The following SLC25A21 variants were observed in gnomAD, a reference collection of about 807,000 sequenced individuals.
SLC25A21 encodes the protein mitochondrial 2-oxodicarboxylate carrier.
Under a neutral mutation model 43.8 loss-of-function variants are expected in SLC25A21, and 47 were observed. The observed-to-expected ratio is 1.07, with a 90% CI of 0.85 to 1.37. SLC25A21 has a LOEUF of 1.37. Among genes scored for constraint, SLC25A21 ranks in the 40% most tolerant of loss-of-function variants. The pLI is 0.00. For missense variants in SLC25A21, 352 were observed against 350.2 expected (o/e 1.00, Z -0.04); for synonymous variants, 131 against 121.3 (o/e 1.08, Z -0.52).
At chr14:36,753,960 A>AGAGAGAGAGAGAGAGAGAGAGAG (rs1491582315) in intron 3 of SLC25A21, among the ~76,000 whole-genome samples, 4 of 141,668 alleles carry the variant, frequency 2.8e-5, no homozygotes, top group East Asian at 2.0e-4. Context: ...AGAGAGAGAG[A>AGAGAGAGAGAGAGAGAGAGAGAG]AAGAGAGAGA....
chr14:36,913,400 C>G (rs187065835), intron 1 of SLC25A21, among the ~76,000 whole-genome samples: 1 of 152,098 alleles, frequency 6.6e-6, no homozygotes, highest in Non-Finnish European at 1.5e-5. Flanking sequence ...GCCATCCTCC[C>G]GAGTAGTTGG....
chr14:37,140,467 CA>C (rs1328977579), intron 1 of SLC25A21, among the ~76,000 whole-genome samples: 2 of 152,282 alleles, frequency 1.3e-5, no homozygotes, highest in East Asian at 3.9e-4. Context: ...CCTACTAATA[CA>C]CTGCTTTAGT....
At chr14:37,066,996 G>T (rs995603002) in intron 1 of SLC25A21, among the ~76,000 whole-genome samples, 2 of 151,920 alleles carry the variant, frequency 1.3e-5, no homozygotes, top group African/African-American at 4.8e-5. Flanking sequence ...CTAAAAAATG[G>T]GGCAGAAGAA....
chr14:37,026,727 A>T (rs997367312), intron 1 of SLC25A21, among the ~76,000 whole-genome samples: 1 of 152,212 alleles, frequency 6.6e-6, no homozygotes, highest in Non-Finnish European at 1.5e-5. Flanking sequence ...TACAAAATTT[A>T]TTTGACCATG....
Position 36,680,254 on chromosome 14 carries a change from A to C in SLC25A21, c.*404T>G, listed in dbSNP as rs1264684034. ...AACTTTTTTTTAATCCAGTCTTTGA[A>C]TAATTTGATTTATTTTCAATAGTTT... On this transcript the variant is annotated 3_prime_UTR_variant, in exon 10 of 10. Coordinates refer to ENST00000331299, the MANE Select transcript of SLC25A21 (RefSeq NM_030631.4). 1 of 950,234 alleles carries C rather than the reference A, an allele frequency of 1.1e-6. No individual in the cohort carries two copies. The highest frequency in any genetic ancestry group is 1.3e-6 in the Non-Finnish European group (1 of 798,380). The allele number at this position is 950,234 out of a possible 1,614,324, so 58.9% of individuals were successfully genotyped here.
intron 1 of SLC25A21, among the ~76,000 whole-genome samples, chr14:37,152,013 C>T (rs778927202): frequency 3.9e-5 from 6 of 151,946 alleles, no homozygotes; most frequent in South Asian, 2.1e-4. Flanking sequence ...CCAGTGTGGG[C>T]GACAGAGAGA....
chr14:36,918,806 C>G (rs917339658), intron 1 of SLC25A21, among the ~76,000 whole-genome samples: 2 of 151,858 alleles, frequency 1.3e-5, no homozygotes, highest in African/African-American at 4.8e-5. Flanking sequence ...AAAACATTCA[C>G]AAAAAAGACC....
At chr14:36,961,126 C>G (rs1227296427) in intron 1 of SLC25A21, among the ~76,000 whole-genome samples, 1 of 150,382 alleles carries the variant, frequency 6.6e-6, no homozygotes, top group Non-Finnish European at 1.5e-5. Context: ...ATTAAAAAAG[C>G]CCACCCCCAG....
At chr14:36,919,881 A>T (rs1299823883) in intron 1 of SLC25A21, among the ~76,000 whole-genome samples, 1 of 152,078 alleles carries the variant, frequency 6.6e-6, no homozygotes, top group African/African-American at 2.4e-5. Flanking sequence ...GATGAATGAA[A>T]GTAAAGATCT....
At position 37,147,347 on chromosome 14, in the gene SLC25A21, T is replaced by C. The variant is rs375047364; in HGVS notation, c.70+24934A>G. ...GAAAGAAATGTCAAAAATTCAAATT[T>C]ATAAAGCCCTCTGTGAAATATGAGG... On this transcript the variant is annotated intron_variant, in intron 1 of 9. Coordinates refer to ENST00000331299, the MANE Select transcript of SLC25A21 (RefSeq NM_030631.4). 2.5e-4 allele frequency among the ~76,000 whole-genome samples: 38 copies of C among 152,326 alleles called. No homozygotes were observed. The South Asian group carries it at 7.7e-3, about 31-fold the overall frequency.
intron 3 of SLC25A21, among the ~76,000 whole-genome samples, chr14:36,785,523 T>G (rs1016992259): frequency 6.6e-6 from 1 of 152,172 alleles, no homozygotes; most frequent in East Asian, 1.9e-4. Flanking sequence ...ATAAAGCTAT[T>G]TGAGCTTCTT....
At chr14:36,977,452 C>T (rs1348441850) in intron 1 of SLC25A21, among the ~76,000 whole-genome samples, 1 of 152,104 alleles carries the variant, frequency 6.6e-6, no homozygotes. Context: ...CATAAAACCA[C>T]CAGAAATAAT....
intron 1 of SLC25A21, among the ~76,000 whole-genome samples, chr14:36,970,521 A>G (rs1959726014): frequency 6.6e-6 from 1 of 152,218 alleles, no homozygotes; most frequent in Admixed American, 6.5e-5. Flanking sequence ...ATATGAAACA[A>G]TAACTAGAGG....
intron 7 of SLC25A21, among the ~76,000 whole-genome samples, chr14:36,701,448 C>A (rs1206487708): frequency 3.9e-5 from 6 of 152,164 alleles, no homozygotes; most frequent in Non-Finnish European, 7.4e-5. Context: ...CTTGTTAAAA[C>A]CTCTGCATCT....
rs1331661982 is a variant in SLC25A21, at chr14:37,002,687, C to T, written c.71-127683G>A. Among the ~76,000 whole-genome samples, 7 of 152,142 alleles carry T rather than the reference C, an allele frequency of 4.6e-5. No homozygotes were observed. In the South Asian group the frequency reaches 6.2e-4, roughly 14 times the overall value. On this transcript the variant is annotated intron_variant, in intron 1 of 9. Coordinates refer to ENST00000331299, the MANE Select transcript of SLC25A21 (RefSeq NM_030631.4). ...AGAACTGTTTTCAGAATACTAAATG[C>T]GATAACATTCAGGTAAAATGATTAC...
intron 7 of SLC25A21, among the ~76,000 whole-genome samples, chr14:36,701,596 T>C (rs976260093): frequency 1.3e-5 from 2 of 152,192 alleles, no homozygotes; most frequent in Admixed American, 1.3e-4. Context: ...TACATATATA[T>C]AATGTCAAAA....
chr14:36,908,214 A>G (rs1271115000), intron 1 of SLC25A21, among the ~76,000 whole-genome samples: 2 of 152,152 alleles, frequency 1.3e-5, no homozygotes, highest in African/African-American at 4.8e-5. Context: ...CCCTAATGTA[A>G]ACTATGGCCT....
intron 3 of SLC25A21, among the ~76,000 whole-genome samples, chr14:36,789,924 T>A (rs1280536389): frequency 8.0e-6 from 1 of 125,608 alleles, no homozygotes; most frequent in African/African-American, 3.0e-5. Flanking sequence ...ATTATATATT[T>A]ATATATTATA....
chr14:37,010,075 C>A (rs1235470544), intron 1 of SLC25A21, among the ~76,000 whole-genome samples: 1 of 152,170 alleles, frequency 6.6e-6, no homozygotes, highest in Non-Finnish European at 1.5e-5. Context: ...CCTACTGCCT[C>A]TTTTAGCCTT....
Sources: allele counts gnomAD v4.1 joint callset (sites outside exome capture counted in the v4.1 genomes callset), GRCh38; gene constraint gnomAD v4.1.1; transcripts MANE v1.5; gene names NCBI Gene and HGNC (gene_info 2026-07-23, HGNC 2026-07-21).